HRNR: variants seen among roughly 807,000 people sequenced by gnomAD.
HRNR encodes hornerin.
In HRNR, 7 loss-of-function variants were observed where a neutral mutation model predicts 4.8. That is an observed-to-expected ratio of 1.47 (90% confidence interval 0.83 to 2.75). HRNR has a LOEUF of 2.75. Ranked by LOEUF, HRNR falls within the 30% of genes most tolerant of loss-of-function variation. The probability of loss-of-function intolerance (pLI) is 0.00; values close to 1 mark genes in which losing one functional copy is unlikely to be tolerated. For synonymous variants in HRNR, 1,023 were observed against 1,242.7 expected, an observed-to-expected ratio of 0.82 and a Z score of 3.72; for missense variants, 2,879 against 3,010.4, an observed-to-expected ratio of 0.96 and a Z score of 1.02.
Position 152,219,230 on chromosome 1 carries a change from C to G in HRNR, c.2399G>C (p.Cys800Ser). The change falls in exon 3 of 3, where the codon TGT becomes TCT. Residue 800 changes from cysteine to serine, a missense_variant. Around this residue, in one of 8 missense-constraint regions of HRNR, gnomAD observed 2,646 missense variants for 1,377.7 expected, o/e 1.92. Coordinates refer to ENST00000368801, the MANE Select transcript of HRNR (RefSeq NM_001009931.3). The stretch of plus-strand genomic sequence containing the variant: ...CTCATAATGGCCACAGCTGGAAGAA[C>G]AACTTGTGCCAGACCCGTGTTGGCC... ...SHGQHGSGTS[C>S]SSSCGHYESG... 1 of 1,613,746 alleles carries G rather than the reference C, an allele frequency of 6.2e-7. No individual in the cohort carries two copies. The highest frequency in any genetic ancestry group is 8.5e-7 in the Non-Finnish European group (1 of 1,179,882).
rs201296154 is a variant in HRNR, at chr1:152,220,993, G to A, written c.636C>T (p.Ser212=). The A allele has an allele frequency of 3.5e-5, 56 of 1,613,722 alleles. No homozygotes were observed. In the Middle Eastern group the frequency reaches 9.9e-4, roughly 29 times the overall value. Residue 212 remains serine, a synonymous_variant, in exon 3 of 3, where the codon TCC becomes TCT. Coordinates refer to ENST00000368801, the MANE Select transcript of HRNR (RefSeq NM_001009931.3). ...GTGTGTCATTGCTGGAAGACTGTCC[G>A]GAGCCAGAGCCGTGTTGGCCATAGT... ...SPNYGQHGSG[S]GQSSSNDTHG... is the part of the protein sequence containing the mutation.
chr1:152,219,483 G>C lies in HRNR; in HGVS notation c.2146C>G (p.His716Asp), dbSNP rs1305209021. ...GAGGAGTGACTTGAGCCAGATCCATGCTGACTGTAACCAGAGGACTGCCCT... is the reference window on the plus strand; with the variant it reads ...GAGGAGTGACTTGAGCCAGATCCATCCTGACTGTAACCAGAGGACTGCCCT... ...GSGQSSGYSQHGSGSSHSSGY... is the reference protein window; with the variant it reads ...GSGQSSGYSQDGSGSSHSSGY... Residue 716 changes from histidine (H) to aspartate (D), a missense_variant, in exon 3 of 3, where the codon CAT (histidine) becomes GAT (aspartate). His to Asp is a moderately conservative substitution (Grantham distance 81). Coordinates refer to ENST00000368801, the MANE Select transcript of HRNR (RefSeq NM_001009931.3). The C allele has an allele frequency of 1.2e-6, 2 of 1,613,844 alleles. No homozygotes were observed. Among genetic ancestry groups the C allele is most frequent in the African/African-American group, 2.7e-5 (2 of 74,836 alleles).
Position 152,219,828 on chromosome 1 carries a change from C to A in HRNR, c.1801G>T (p.Gly601Ter). ...GTAGAGGAATGACCCGAGCTAGATC[C>A]GTGTTGACCGTAGCCAGAGGACTGT... is the stretch of plus-strand genomic sequence containing the variant. ...SGQSSGYGQH[G>*]SSSGHSSTHG... The change falls in exon 3 of 3, where the codon GGA becomes TGA. Residue 601 changes from glycine to a stop codon, truncating the protein, a stop_gained. Transcript: ENST00000368801. LOFTEE classifies it low-confidence loss of function (END_TRUNC). 5 of 1,611,978 alleles carry A rather than the reference C, an allele frequency of 3.1e-6. No individual in the cohort carries two copies. Among genetic ancestry groups the A allele is most frequent in the Non-Finnish European group, 4.2e-6 (5 of 1,178,654 alleles).
rs1440596623 is a variant in HRNR at position 152,223,176 on chromosome 1, A to G, written c.78T>C (p.Asp26=). The stretch of plus-strand genomic sequence containing the variant: ...CTTTCAGCTCTGCCTTGTTCAACGT[A>G]TCATACTCCCCATGCTGGGTGGCAT... The part of the protein sequence containing the change: ...YQYATQHGEY[D]TLNKAELKEL... The change falls in exon 2 of 3, where the codon GAT becomes GAC. Residue 26 remains aspartate (D), a synonymous_variant. Coordinates refer to ENST00000368801, the MANE Select transcript of HRNR (RefSeq NM_001009931.3). 8.7e-6 allele frequency: 14 copies of G among 1,613,874 alleles called. No homozygotes were observed. Among genetic ancestry groups the G allele is most frequent in the Non-Finnish European group, 1.0e-5 (12 of 1,179,834 alleles).
Position 152,219,878 on chromosome 1 carries a change from A to C in HRNR, c.1751T>G (p.Leu584Ter). The change falls in exon 3 of 3, where the codon TTA becomes TGA. Residue 584 changes from leucine (L) to a stop codon, truncating the protein, a stop_gained. Coordinates refer to ENST00000368801, the MANE Select transcript of HRNR (RefSeq NM_001009931.3). LOFTEE classifies it low-confidence loss of function (END_TRUNC). The stretch of plus-strand genomic sequence containing the variant: ...TCCTGAGCGAGACTCTTGGTGACCT[A>C]AGCCAGAAGAGTGACCGGAGCCAGA... ...YESGSGHSSG[L>*]GHQESRSGQS... 1 of 1,613,522 alleles carries C rather than the reference A, an allele frequency of 6.2e-7. No individual in the cohort carries two copies. Among genetic ancestry groups the C allele is most frequent in the Non-Finnish European group, 8.5e-7 (1 of 1,179,916 alleles).
In HRNR at chr1:152,219,986, T is replaced by A. The variant is rs1208704926; in HGVS notation, c.1643A>T (p.His548Leu). The A allele has an allele frequency of 2.5e-6, 4 of 1,612,382 alleles. No homozygotes were observed. Among genetic ancestry groups the A allele is most frequent in the Non-Finnish European group, 3.4e-6 (4 of 1,179,622 alleles). The change falls in exon 3 of 3, where the codon CAT becomes CTT. Residue 548 changes from histidine to leucine, a missense_variant. By Grantham distance (99) the His-to-Leu change is moderately conservative (BLOSUM62 -3). Around this residue, in one of 8 missense-constraint regions of HRNR, gnomAD observed 2,646 missense variants for 1,377.7 expected, o/e 1.92. Transcript: ENST00000368801. Reference sequence around the variant, plus strand: ...GGAAGACTGCCTGGAACCAGACTCATGTCGGCCACGGCTAGGGCTAGGAGA... The same window carrying A: ...GGAAGACTGCCTGGAACCAGACTCAAGTCGGCCACGGCTAGGGCTAGGAGA... ...GQSPSPSRGR[H>L]ESGSRQSSSY...
Position 152,218,585 on chromosome 1 carries a change from C to T in HRNR, c.3044G>A (p.Gly1015Glu), listed in dbSNP as rs202215055. 2.0e-5 allele frequency: 32 copies of T among 1,613,702 alleles called. No individual in the cohort carries two copies. In the South Asian group the frequency reaches 3.2e-4, roughly 16 times the overall value. The stretch of plus-strand genomic sequence containing the variant: ...GCTGGAAGACTGCCCGGAACCAGAC[C>T]CATGTCGGCCACGGCTAGGGCTAGG... ...QSPSPSRGRH[G>E]SGSGQSSSYG... Residue 1015 changes from glycine to glutamate, a missense_variant, in exon 3 of 3, where the codon GGG (glycine) becomes GAG (glutamate). By Grantham distance (98) the Gly-to-Glu change is moderately conservative (BLOSUM62 -2). This residue lies in a region of HRNR where 2,646 missense variants were observed against 1,377.7 expected (regional missense o/e 1.92). Transcript: ENST00000368801.
chr1:152,213,060 C>T lies in HRNR; in HGVS notation c.*16G>A, dbSNP rs770791283. 5 of 1,599,356 alleles carry T rather than the reference C, an allele frequency of 3.1e-6. No homozygotes were observed. In the South Asian group the frequency reaches 5.6e-5, roughly 18 times the overall value. Reference sequence around the variant, plus strand: ...CTTAAATTGCTACTTGAGTAAATTGCATTTATGTTTATTATTCACTGATAA... The same window carrying T: ...CTTAAATTGCTACTTGAGTAAATTGTATTTATGTTTATTATTCACTGATAA... On this transcript the variant is annotated 3_prime_UTR_variant, in exon 3 of 3. Coordinates refer to ENST00000368801, the MANE Select transcript of HRNR (RefSeq NM_001009931.3).
Position 152,223,288 on chromosome 1 carries a change from G to C in HRNR, c.-25-10C>G. The stretch of plus-strand genomic sequence containing the variant: ...TGCAAGTTTGAGTAACCTAAAGGGA[G>C]GAAAAAGAGAGACCAACCCCTTACT... On this transcript the variant is annotated splice_polypyrimidine_tract_variant and intron_variant, in intron 1 of 2. Coordinates refer to ENST00000368801, the MANE Select transcript of HRNR (RefSeq NM_001009931.3). 1 of 1,571,246 alleles carries C rather than the reference G, an allele frequency of 6.4e-7. No individual in the cohort carries two copies. The highest frequency in any genetic ancestry group is 8.7e-7 in the Non-Finnish European group (1 of 1,153,838).
At position 152,219,141 on chromosome 1, in the gene HRNR, G is replaced by T. The variant is rs768531463; in HGVS notation, c.2488C>A (p.Gln830Lys). 61 of 1,613,466 alleles carry T rather than the reference G, an allele frequency of 3.8e-5. No individual in the cohort carries two copies. The highest frequency in any genetic ancestry group is 1.4e-4 in the South Asian group (13 of 91,048). ...HESGSGQGYS[Q>K]HGSASGHFSS... ...AAGTGACCTGAGGCAGAACCATGCT[G>T]ACTATAGCCCTGTCCTGAGCCAGAC... is the stretch of plus-strand genomic sequence containing the variant. The change falls in exon 3 of 3, where the codon CAG (glutamine) becomes AAG (lysine). Residue 830 changes from glutamine to lysine, a missense_variant. Gln to Lys is a moderately conservative substitution (Grantham distance 53). Around this residue, in one of 8 missense-constraint regions of HRNR, gnomAD observed 2,646 missense variants for 1,377.7 expected, o/e 1.92. Coordinates refer to ENST00000368801, the MANE Select transcript of HRNR (RefSeq NM_001009931.3).
rs151024802 is a variant in HRNR, at chr1:152,219,894, C to T, written c.1735G>A (p.Gly579Ser). The change falls in exon 3 of 3, where the codon GGT becomes AGT. Residue 579 changes from glycine to serine, a missense_variant. Physicochemically the swap from Gly to Ser is moderately conservative, Grantham distance 56. Transcript: ENST00000368801. ...SSRGPYESGSGHSSGLGHQES... is the reference protein window; with the variant it reads ...SSRGPYESGSSHSSGLGHQES... ...TGGTGACCTAAGCCAGAAGAGTGACCGGAGCCAGACTCATATGGGCCACGG... is the reference window on the plus strand; with the variant it reads ...TGGTGACCTAAGCCAGAAGAGTGACTGGAGCCAGACTCATATGGGCCACGG... The T allele has an allele frequency of 1.2e-4, 201 of 1,613,744 alleles. No individual in the cohort carries two copies. The highest frequency in any genetic ancestry group is 1.6e-4 in the Middle Eastern group (1 of 6,084).
intron 1 of HRNR, 93 bp from the exon 2 acceptor site, chr1:152,223,371 GAATT>G: frequency 2.8e-6 from 2 of 710,458 alleles, no homozygotes; most frequent in East Asian, 5.6e-5. Context: ...TAATTGTTCA[GAATT>G]AGTCAGTCAT....
Position 152,219,879 on chromosome 1 carries a change from A to C in HRNR, c.1750T>G (p.Leu584Val), listed in dbSNP as rs1223039046. 9 of 1,613,450 alleles carry C rather than the reference A, an allele frequency of 5.6e-6. No individual in the cohort carries two copies. In the African/African-American group the frequency reaches 1.2e-4, roughly 22 times the overall value. ...CCTGAGCGAGACTCTTGGTGACCTAAGCCAGAAGAGTGACCGGAGCCAGAC... is the reference window on the plus strand; with the variant it reads ...CCTGAGCGAGACTCTTGGTGACCTACGCCAGAAGAGTGACCGGAGCCAGAC... ...YESGSGHSSG[L>V]GHQESRSGQS... The change falls in exon 3 of 3, where the codon TTA (leucine) becomes GTA (valine). Residue 584 changes from leucine to valine, a missense_variant. Around this residue, in one of 8 missense-constraint regions of HRNR, gnomAD observed 2,646 missense variants for 1,377.7 expected, o/e 1.92. Transcript: ENST00000368801.
rs373631998 is a variant in HRNR, at chr1:152,218,743, A to G, written c.2886T>C (p.Ser962=). 228 of 1,613,830 alleles carry G rather than the reference A, an allele frequency of 1.4e-4. 3 individuals are homozygous for G. The highest frequency in any genetic ancestry group is 1.1e-3 in the South Asian group (101 of 91,072). Residue 962 remains serine, a synonymous_variant, in exon 3 of 3, where the codon TCT becomes TCC. Transcript: ENST00000368801. ...CGCTCCTAGATGACTGTCCTGACCT[A>G]GAGCCGTGTTGTTCGTAGCTGGAGG... ...GHSSSYEQHG[S]RSGQSSRSEQ... is the part of the protein sequence containing the mutation.
Position 152,219,659 on chromosome 1 carries a change from C to A in HRNR, c.1970G>T (p.Gly657Val). Residue 657 changes from glycine (G) to valine (V), a missense_variant, in exon 3 of 3, where the codon GGC (glycine) becomes GTC (valine). Physicochemically the swap from Gly to Val is moderately radical, Grantham distance 109 (BLOSUM62 -3). This residue lies in a region of HRNR where 2,646 missense variants were observed against 1,377.7 expected (regional missense o/e 1.92). Coordinates refer to ENST00000368801, the MANE Select transcript of HRNR (RefSeq NM_001009931.3). ...ATGTCGGCCGCGACTAGGAGACTGGCCAGATCCAGAGCCCTGTTGGCCATA... is the reference window on the plus strand; with the variant it reads ...ATGTCGGCCGCGACTAGGAGACTGGACAGATCCAGAGCCCTGTTGGCCATA... ...SRYGQQGSGS[G>V]QSPSRGRHGS... is the part of the protein sequence containing the mutation. 6.2e-7 allele frequency: 1 copy of A among 1,613,240 alleles called. No individual in the cohort carries two copies. The highest frequency in any genetic ancestry group is 8.5e-7 in the Non-Finnish European group (1 of 1,179,444).
Position 152,219,021 on chromosome 1 carries a change from G to C in HRNR, c.2608C>G (p.His870Asp). The C allele has an allele frequency of 6.2e-7, 1 of 1,614,036 alleles. No individual in the cohort carries two copies. The change falls in exon 3 of 3, where the codon CAT becomes GAT. Residue 870 changes from histidine (H) to aspartate (D), a missense_variant. Physicochemically the swap from His to Asp is moderately conservative, Grantham distance 81. Around this residue, in one of 8 missense-constraint regions of HRNR, gnomAD observed 2,646 missense variants for 1,377.7 expected, o/e 1.92. Coordinates refer to ENST00000368801, the MANE Select transcript of HRNR (RefSeq NM_001009931.3). ...GAAGCGTGATGGGAGGCAGACTCAT[G>C]CTGACCATAGCTGGAAGATTGACCT... Reference protein sequence around the residue: ...SSGQSSSYGQHESASHHASGR... With the variant: ...SSGQSSSYGQDESASHHASGR...
chr1:152,213,024 C>G lies in HRNR; in HGVS notation c.*52G>C, dbSNP rs12726613. 313,557 of 1,559,596 alleles carry G rather than the reference C, an allele frequency of 0.2. 40,764 individuals carry two copies. Among genetic ancestry groups the G allele is most frequent in the East Asian group, 0.61 (27,044 of 44,436 alleles). ...TCTTTCATGATGAATTCATAGATGACTTTCCTATTTCTTAAATTGCTACTT... is the reference window on the plus strand; with the variant it reads ...TCTTTCATGATGAATTCATAGATGAGTTTCCTATTTCTTAAATTGCTACTT... On this transcript the variant is annotated 3_prime_UTR_variant, in exon 3 of 3. Transcript: ENST00000368801.
At position 152,221,141 on chromosome 1, in the gene HRNR, CTT is replaced by C. The variant is rs1648983367; in HGVS notation, c.486_487del (p.Asp164LeufsTer6). ...GGAGTTATGTTGGCCAGAAAAGTCT[CTT>C]TGAAAACTCAGTCTTCTGGATATGG... On this transcript the variant is annotated frameshift_variant, in exon 3 of 3. Coordinates refer to ENST00000368801, the MANE Select transcript of HRNR (RefSeq NM_001009931.3). LOFTEE classifies it low-confidence loss of function (END_TRUNC). 2 of 1,614,076 alleles carry C rather than the reference CTT, an allele frequency of 1.2e-6. No homozygotes were observed. The highest frequency in any genetic ancestry group is 1.7e-6 in the Non-Finnish European group (2 of 1,180,042).
Position 152,213,248 on chromosome 1 carries a change from T to G in HRNR, c.8381A>C (p.Gln2794Pro). Residue 2794 changes from glutamine (Q) to proline (P), a missense_variant, in exon 3 of 3, where the codon CAG (glutamine) becomes CCG (proline). Physicochemically the swap from Gln to Pro is moderately conservative, Grantham distance 76. Transcript: ENST00000368801. ...TCCATGCTGACTATAACCAGAGGAC[T>G]GTCCTGAGCCAGACCCATGTTGGCC... ...SYGQHGSGSG[Q>P]SSGYSQHGSG... 6.2e-7 allele frequency: 1 copy of G among 1,606,650 alleles called. No individual in the cohort carries two copies. Among genetic ancestry groups the G allele is most frequent in the Non-Finnish European group, 8.5e-7 (1 of 1,174,954 alleles).
Sources: gnomAD v4.1 joint callset for allele counts on GRCh38, gnomAD v4.1.1 for gene constraint, gnomAD v4.1.1 regional missense constraint, MANE v1.5 for transcripts, NCBI Gene and HGNC (gene_info 2026-07-23, HGNC 2026-07-21) for gene names.